Variants in TAF15 observed in about 807,000 individuals in gnomAD.
The protein encoded by TAF15 is TATA-binding protein-associated factor 2N.
TAF15 carries 37 observed loss-of-function variants against 102.5 expected under a neutral mutation model. The ratio of observed to expected loss-of-function variants is 0.36; its 90% CI spans 0.28 to 0.47. The LOEUF is 0.47. TAF15 is among the 20% of genes least tolerant of loss of function. The probability of loss-of-function intolerance (pLI) is 0.99; values close to 1 mark genes in which losing one functional copy is unlikely to be tolerated. For missense variants in TAF15, 652 were observed against 760.7 expected, an observed-to-expected ratio of 0.86 and a Z score of 1.68; for synonymous variants, 273 against 259.2, an observed-to-expected ratio of 1.05 and a Z score of -0.51.
rs776311001 is a variant in TAF15, at chr17:35,844,297, A to T, written c.1106A>T (p.Asn369Ile). Residue 369 changes from asparagine (N) to isoleucine (I), a missense_variant, in exon 14 of 16, where the codon AAC becomes ATC. Transcript: ENST00000605844. ...TTTCTTAGGTCATGCGGAAATATGA[A>T]CTTTGCTCGAAGGAATTCCTGCAAT... ...VCPNPSCGNM[N>I]FARRNSCNQC... The T allele has an allele frequency of 6.2e-7, 1 of 1,614,224 alleles. No individual in the cohort carries two copies. The highest frequency in any genetic ancestry group is 1.1e-5 in the South Asian group (1 of 91,088).
intron 10 of TAF15, 130 bp from the exon 11 acceptor site, chr17:35,838,294 T>A: frequency 2.5e-6 from 3 of 1,205,382 alleles, no homozygotes; most frequent in Non-Finnish European, 3.5e-6. Context: ...AGGTAACTTA[T>A]TAGGTGCATA....
intron 1 of TAF15, among the ~76,000 whole-genome samples, chr17:35,815,650 G>A (rs2087186558): frequency 6.6e-6 from 1 of 152,134 alleles, no homozygotes; most frequent in African/African-American, 2.4e-5. Flanking sequence ...CATGCTTCAG[G>A]ATATAGTTTA....
At chr17:35,824,402 T>A in intron 7 of TAF15, 1 of 650,634 alleles carries the variant, frequency 1.5e-6, no homozygotes. Context: ...TTGGCTATGT[T>A]AGTAGTTAGT....
Position 35,844,933 on chromosome 17 carries a change from G to A in TAF15, c.1634G>A (p.Arg545Gln), listed in dbSNP as rs373334865. The A allele has an allele frequency of 2.3e-5, 37 of 1,613,214 alleles. No homozygotes were observed. The highest frequency in any genetic ancestry group is 4.5e-5 in the East Asian group (2 of 44,848). The change falls in exon 15 of 16, where the codon CGA becomes CAA. Residue 545 changes from arginine to glutamine, a missense_variant. By Grantham distance (43) the Arg-to-Gln change is conservative (BLOSUM62 1). Around this residue, in one of 3 missense-constraint regions of TAF15, gnomAD observed 368 missense variants for 367.5 expected, o/e 1.00. Coordinates refer to ENST00000605844, the MANE Select transcript of TAF15 (RefSeq NM_139215.3). ...RGGGSGYGGD[R>Q]SGGYGGDRSG... ...GGTGGCAGTGGCTACGGTGGAGACC[G>A]AAGTGGAGGCTATGGAGGAGACAGG...
chr17:35,811,113 A>G (rs558420582), intron 1 of TAF15: 1 of 152,334 alleles, frequency 6.6e-6, no homozygotes, highest in African/African-American at 2.4e-5. Context: ...ACCCTCGTGG[A>G]GAAATTTACC....
chr17:35,832,861 A>G (rs1476005863), intron 7 of TAF15, among the ~76,000 whole-genome samples: 1 of 152,132 alleles, frequency 6.6e-6, no homozygotes, highest in Non-Finnish European at 1.5e-5. Flanking sequence ...CTAATTTGCC[A>G]GATAAAAGTC....
rs773808943 is a variant in TAF15 at position 35,817,753 on chromosome 17, A to G, written c.45A>G (p.Gln15=). 6.2e-7 allele frequency: 1 copy of G among 1,613,354 alleles called. No homozygotes were observed. The highest frequency in any genetic ancestry group is 8.5e-7 in the Non-Finnish European group (1 of 1,179,324). ...GSYGQSGGEQ[Q]SYSTYGNPGS... ...ACGGTCAGTCTGGGGGTGAGCAGCA[A>G]AGGTAAAGTATACATACATTTTAAT... Residue 15 remains glutamine (Q), a splice_region_variant and synonymous_variant, in exon 2 of 16, where the codon CAA becomes CAG. Coordinates refer to ENST00000605844, the MANE Select transcript of TAF15 (RefSeq NM_139215.3).
In TAF15 at chr17:35,834,512, A is replaced by G; in HGVS notation, c.641-54A>G. ...TGGTTTATTACTATTTTTTTTGTTA[A>G]TGATTTTAAATAAATTGCCTTAAAT... On this transcript the variant is annotated intron_variant, in intron 8 of 15. Coordinates refer to ENST00000605844, the MANE Select transcript of TAF15 (RefSeq NM_139215.3). The G allele has an allele frequency of 4.5e-6, 7 of 1,569,034 alleles. No individual in the cohort carries two copies. In the South Asian group the frequency reaches 6.9e-5, roughly 15 times the overall value.
Position 35,809,674 on chromosome 17 carries a change from C to CG in TAF15, c.7+100dup, listed in dbSNP as rs1215450996. The CG allele has an allele frequency of 2.6e-6, 4 of 1,559,160 alleles. No individual in the cohort carries two copies. In the African/African-American group the frequency reaches 5.4e-5, roughly 21 times the overall value. ...CCGGAGGGCCCTGAGGAGAAGCCTC[C>CG]GGCCCTGAGGGAGGCTTGGGGTGGG... On this transcript the variant is annotated intron_variant, in intron 1 of 15. Transcript: ENST00000605844.
intron 9 of TAF15, 42 bp downstream of exon 9, chr17:35,834,640 GTTAGTTTTTTTTTTGATGGGAAAA>G: frequency 6.5e-7 from 1 of 1,527,488 alleles, no homozygotes; most frequent in Non-Finnish European, 8.9e-7. Flanking sequence ...TTAAGAAAAT[GTTAGTTTTTTTTTTGATGGGAAAA>G]GTGTGTGTTT....
chr17:35,833,263 A>T (rs2143799896), intron 7 of TAF15, among the ~76,000 whole-genome samples: 1 of 152,262 alleles, frequency 6.6e-6, no homozygotes, highest in East Asian at 1.9e-4. Flanking sequence ...CGTAGCTCTG[A>T]TGTGAAGAGA....
In TAF15 at chr17:35,838,529, A is replaced by T. The variant is rs767542954; in HGVS notation, c.889A>T (p.Lys297Ter). 1.2e-6 allele frequency: 2 copies of T among 1,614,226 alleles called. No individual in the cohort carries two copies. Among genetic ancestry groups the T allele is most frequent in the Non-Finnish European group, 1.7e-6 (2 of 1,180,042 alleles). Residue 297 changes from lysine (K) to a stop codon, truncating the protein, a stop_gained, in exon 11 of 16, where the codon AAG becomes TAG. Coordinates refer to ENST00000605844, the MANE Select transcript of TAF15 (RefSeq NM_139215.3). LOFTEE classifies it high-confidence loss of function. The part of the protein sequence containing the change: ...TVSFDDPPSA[K>*]AAIDWFDGKE... The stretch of plus-strand genomic sequence containing the variant: ...GTCATTTGATGACCCTCCTTCAGCT[A>T]AGGCAGCCATTGACTGGTTTGATGG...
At chr17:35,846,580 C>G (rs913092204) in intron 15 of TAF15, among the ~76,000 whole-genome samples, 1 of 152,158 alleles carries the variant, frequency 6.6e-6, no homozygotes, top group South Asian at 2.1e-4. Context: ...CATGTAAGTG[C>G]TTGCTCATTC....
At chr17:35,824,221 G>C (rs745463662) in intron 7 of TAF15, 23 bp downstream of exon 7, 1 of 1,608,164 alleles carries the variant, frequency 6.2e-7, no homozygotes, top group Non-Finnish European at 8.5e-7. Flanking sequence ...ATAAAGATGC[G>C]TACATTTCTT....
rs1285581040 is a variant in TAF15, at chr17:35,840,499, G to A, written c.914-1868G>A. Among the ~76,000 whole-genome samples the A allele has an allele frequency of 3.3e-5, 5 of 150,074 alleles. No individual in the cohort carries two copies. The East Asian group carries it at 7.9e-4, about 24-fold the overall frequency. On this transcript the variant is annotated intron_variant, in intron 11 of 15. Transcript: ENST00000605844. The stretch of plus-strand genomic sequence containing the variant: ...CATCTCCTGACCTCGTGATCCACCC[G>A]CCTCAGCCTCCCAAAGTGCTGGGAT...
Position 35,844,058 on chromosome 17 carries a change from C to A in TAF15, c.1007-19C>A. ...TAATATCTGCTGCTGATTTTTCTCC[C>A]CTGGCCCCATCCCCCTAGGCCGTGG... On this transcript the variant is annotated intron_variant, in intron 12 of 15. Transcript: ENST00000605844. 6.2e-7 allele frequency: 1 copy of A among 1,611,960 alleles called. No individual in the cohort carries two copies. The highest frequency in any genetic ancestry group is 8.5e-7 in the Non-Finnish European group (1 of 1,178,146).
intron 7 of TAF15, among the ~76,000 whole-genome samples, chr17:35,829,786 C>T (rs959745636): frequency 6.6e-6 from 1 of 151,980 alleles, no homozygotes; most frequent in African/African-American, 2.4e-5. Flanking sequence ...CAGAGTATGC[C>T]TTCGTGTGGG....
chr17:35,827,209 T>G (rs2087340877), intron 7 of TAF15, among the ~76,000 whole-genome samples: 1 of 151,626 alleles, frequency 6.6e-6, no homozygotes, highest in South Asian at 2.1e-4. Flanking sequence ...GGTGGCGGGC[T>G]CCTGTAGTCC....
Position 35,842,371 on chromosome 17 carries a change from A to G in TAF15, c.918A>G (p.Lys306=). 4.3e-6 allele frequency: 7 copies of G among 1,613,588 alleles called. No individual in the cohort carries two copies. The highest frequency in any genetic ancestry group is 5.9e-6 in the Non-Finnish European group (7 of 1,179,588). ...AGCTGATTTCTTTTTTCTTAGGAAA[A>G]GAATTCCATGGCAACATCATTAAAG... ...AKAAIDWFDG[K]EFHGNIIKVS... Residue 306 remains lysine (K), a synonymous_variant, in exon 12 of 16, where the codon AAA becomes AAG. Transcript: ENST00000605844.
Sources: gnomAD v4.1 joint callset for allele counts (sites outside exome capture counted in the v4.1 genomes callset) on GRCh38, gnomAD v4.1.1 for gene constraint, gnomAD v4.1.1 regional missense constraint, MANE v1.5 for transcripts, NCBI Gene and HGNC (gene_info 2026-07-23, HGNC 2026-07-21) for gene names.